Variants in EXOC4 observed in about 807,000 individuals in gnomAD.
EXOC4 encodes the protein exocyst complex component 4, also known as SEC8-like 1.
A neutral mutation model predicts 107.2 loss-of-function variants in EXOC4; 71 were observed. The observed-to-expected ratio is 0.66, with a 90% confidence interval of 0.55 to 0.81. The LOEUF is 0.81. Ranked by LOEUF, EXOC4 falls within the 30% of genes least tolerant of loss-of-function variation. EXOC4 has a pLI of 0.00. For missense variants in EXOC4, 1,108 were observed against 1,189.6 expected (o/e 0.93, Z 1.01); for synonymous variants, 456 against 441.2 (o/e 1.03, Z -0.42).
At chr7:133,253,325 A>C in intron 1 of EXOC4, 138 bp downstream of exon 1, 1 of 1,423,822 alleles carries the variant, frequency 7.0e-7, no homozygotes, top group South Asian at 1.6e-5. Context: ...CCAGGGCTCT[A>C]ACCCCTCCCC....
chr7:133,687,039 CTG>C (rs112623232), intron 10 of EXOC4, among the ~76,000 whole-genome samples: 9 of 107,184 alleles, frequency 8.4e-5, no homozygotes, highest in East Asian at 5.8e-4. Flanking sequence ...GTGTGTGTGT[CTG>C]TGTGTGTGTG....
chr7:133,940,674 G>C (rs144896697), intron 14 of EXOC4, among the ~76,000 whole-genome samples: 1 of 152,214 alleles, frequency 6.6e-6, no homozygotes, highest in East Asian at 1.9e-4. Flanking sequence ...GCCCATTGAT[G>C]TTTATAATTT....
Position 133,444,991 on chromosome 7 carries a change from C to A in EXOC4, c.1183-30337C>A, listed in dbSNP as rs990005664. On this transcript the variant is annotated intron_variant, in intron 7 of 17. Coordinates refer to ENST00000253861, the MANE Select transcript of EXOC4 (RefSeq NM_021807.4). ...CGTAAGATTCTTATTTTAAATAGAA[C>A]AGATTTTTTGTTGAATGAGGCAGAA... is the stretch of plus-strand genomic sequence containing the variant. Among the ~76,000 whole-genome samples the A allele has an allele frequency of 1.3e-5, 2 of 152,030 alleles. 1 individual carries two copies.
At chr7:133,755,029 T>C (rs1795868889) in intron 10 of EXOC4, among the ~76,000 whole-genome samples, 1 of 151,456 alleles carries the variant, frequency 6.6e-6, no homozygotes, top group Admixed American at 6.6e-5. Flanking sequence ...TTTTCCAACA[T>C]ACCTTTCTCT....
At chr7:133,558,356 G>A (rs79399789) in intron 9 of EXOC4, among the ~76,000 whole-genome samples, 1 of 151,742 alleles carries the variant, frequency 6.6e-6, no homozygotes, top group Non-Finnish European at 1.5e-5. Context: ...TGGCTTCTTT[G>A]AATTCAGCTA....
chr7:133,578,581 G>A (rs892837114), intron 9 of EXOC4, among the ~76,000 whole-genome samples: 1 of 152,168 alleles, frequency 6.6e-6, no homozygotes, highest in Non-Finnish European at 1.5e-5. Flanking sequence ...TTGTACAGCT[G>A]TATCAAAAAG....
intron 7 of EXOC4, among the ~76,000 whole-genome samples, chr7:133,444,572 G>A (rs557302237): frequency 4.3e-4 from 65 of 152,260 alleles, no homozygotes; most frequent in African/African-American, 1.5e-3. Context: ...CTATGAAAAA[G>A]ATACAATTAG....
intron 14 of EXOC4, among the ~76,000 whole-genome samples, chr7:133,987,712 C>T (rs932134048): frequency 6.6e-6 from 1 of 152,158 alleles, no homozygotes; most frequent in Non-Finnish European, 1.5e-5. Context: ...ACAGTGTTAA[C>T]CTTTCCTTTC....
intron 10 of EXOC4, among the ~76,000 whole-genome samples, chr7:133,680,551 A>G (rs1794164903): frequency 6.6e-6 from 1 of 152,136 alleles, no homozygotes. Context: ...AGGAATACTG[A>G]CCCTTCTGAC....
intron 9 of EXOC4, among the ~76,000 whole-genome samples, chr7:133,627,865 C>T (rs1455249998): frequency 1.3e-5 from 2 of 152,144 alleles, no homozygotes; most frequent in African/African-American, 4.8e-5. Flanking sequence ...AACGTATGCT[C>T]TGATTAGTTG....
intron 10 of EXOC4, among the ~76,000 whole-genome samples, chr7:133,634,117 C>T (rs567105190): frequency 9.2e-5 from 14 of 152,260 alleles, no homozygotes; most frequent in African/African-American, 1.4e-4. Context: ...TCTCAGCAGT[C>T]GTTTTTACTC....
Position 133,350,841 on chromosome 7 carries a change from CATTT to C in EXOC4, c.764-5484_764-5481del, listed in dbSNP as rs199526672. On this transcript the variant is annotated intron_variant, in intron 5 of 17. Transcript: ENST00000253861. ...CGTGCACATGGGATGCGTTTCCATT[CATTT>C]ATTTGTTTCCATTAATTATAATTTT... Among the ~76,000 whole-genome samples, 1,024 of 152,014 alleles carry C rather than the reference CATTT, an allele frequency of 6.7e-3. 12 individuals are homozygous for C. Among genetic ancestry groups the C allele is most frequent in the African/African-American group, 0.024 (975 of 41,482 alleles).
intron 2 of EXOC4, among the ~76,000 whole-genome samples, chr7:133,277,457 T>C (rs138176763): frequency 6.6e-6 from 1 of 152,228 alleles, no homozygotes; most frequent in Non-Finnish European, 1.5e-5. Flanking sequence ...TCTGCTTTGC[T>C]TCCCATCATT....
chr7:133,480,228 C>T lies in EXOC4; in HGVS notation c.1417+90C>T, dbSNP rs1315925589. On this transcript the variant is annotated intron_variant, in intron 9 of 17. Transcript: ENST00000253861. Reference sequence around the variant, plus strand: ...AGTTTGTGTCCTGCATTCACACGATCCTTTCAAGGTAACAAACACTTAGTG... The same window carrying T: ...AGTTTGTGTCCTGCATTCACACGATTCTTTCAAGGTAACAAACACTTAGTG... The T allele has an allele frequency of 4.5e-6, 7 of 1,558,976 alleles. No individual in the cohort carries two copies. In the East Asian group the frequency reaches 1.2e-4, roughly 26 times the overall value.
chr7:133,738,516 T>C (rs1040562718), intron 10 of EXOC4, among the ~76,000 whole-genome samples: 2 of 152,194 alleles, frequency 1.3e-5, no homozygotes, highest in Non-Finnish European at 2.9e-5. Context: ...TCTTACTCTT[T>C]GAGCTGCATT....
Position 133,686,991 on chromosome 7 carries a change from TTTTGTGTGTGTGTGTGTG to T in EXOC4, c.1514+56852_1514+56869del, listed in dbSNP as rs1201564741. ...TATCAATCAATGAGGGGATAAAGAA[TTTTGTGTGTGTGTGTGTG>T]TGTGTGTGTGTGTGTGTGTGTGTGT... On this transcript the variant is annotated intron_variant, in intron 10 of 17. Coordinates refer to ENST00000253861, the MANE Select transcript of EXOC4 (RefSeq NM_021807.4). 1.5e-3 allele frequency among the ~76,000 whole-genome samples: 224 copies of T among 144,746 alleles called. 2 individuals carry two copies. The highest frequency in any genetic ancestry group is 2.0e-3 in the Admixed American group (29 of 14,678). 95.0% of individuals were successfully genotyped at this position (144,746 alleles called of 152,430 possible).
intron 10 of EXOC4, among the ~76,000 whole-genome samples, chr7:133,660,149 G>A (rs1803404617): frequency 6.6e-6 from 1 of 150,592 alleles, no homozygotes; most frequent in Non-Finnish European, 1.5e-5. Flanking sequence ...AGCTAAAAAC[G>A]GACTAGAACT....
chr7:133,793,466 T>C (rs1796748339), intron 10 of EXOC4, among the ~76,000 whole-genome samples: 1 of 152,108 alleles, frequency 6.6e-6, no homozygotes, highest in African/African-American at 2.4e-5. Context: ...GCTCTTTTGG[T>C]TTGTATGTTC....
chr7:133,886,595 A>C (rs533097272), intron 11 of EXOC4, among the ~76,000 whole-genome samples: 6 of 152,222 alleles, frequency 3.9e-5, no homozygotes, highest in African/African-American at 9.6e-5. Flanking sequence ...TTACCTGGTA[A>C]TAAGTTGCAA....
Sources: gnomAD v4.1 joint callset for allele counts (sites outside exome capture counted in the v4.1 genomes callset) on GRCh38, gnomAD v4.1.1 for gene constraint, MANE v1.5 for transcripts, NCBI Gene and HGNC (gene_info 2026-07-23, HGNC 2026-07-21) for gene names.